The following MBD5 variants were observed in gnomAD, a reference collection of about 807,000 sequenced individuals.
The protein encoded by MBD5 is methyl-CpG binding domain protein 5, also known as methyl-CpG-binding domain protein 5.
In MBD5, 13 loss-of-function variants were observed where a neutral mutation model predicts 117.3. That is an observed-to-expected ratio of 0.11 (90% CI 0.07 to 0.18). MBD5 has a LOEUF of 0.18. Ranked by LOEUF, MBD5 falls within the 10% of genes least tolerant of loss-of-function variation. The pLI is 1.00. For missense variants in MBD5, 1,879 were observed against 2,093.8 expected (o/e 0.90, Z 2.00); for synonymous variants, 727 against 766.4 (o/e 0.95, Z 0.85).
chr2:148,204,395 A>T (rs575868291), intron 2 of MBD5, among the ~76,000 whole-genome samples: 75 of 152,336 alleles, frequency 4.9e-4, no homozygotes, highest in African/African-American at 1.8e-3. Context: ...AAGACACAAA[A>T]GAAAACCAAA....
At chr2:148,508,179 T>G (rs1173102181) in intron 12 of MBD5, among the ~76,000 whole-genome samples, 1 of 152,162 alleles carries the variant, frequency 6.6e-6, no homozygotes, top group Non-Finnish European at 1.5e-5. Context: ...GGAGCTTGCT[T>G]GGCAGACACC....
At chr2:148,180,833 C>G (rs796349848) in intron 2 of MBD5, among the ~76,000 whole-genome samples, 24 of 152,138 alleles carry the variant, frequency 1.6e-4, no homozygotes, top group African/African-American at 5.8e-4. Context: ...TCTCATTCTC[C>G]TGCCCTTGAC....
chr2:148,311,759 T>C (rs1288512779), intron 3 of MBD5, among the ~76,000 whole-genome samples: 1 of 152,214 alleles, frequency 6.6e-6, no homozygotes, highest in Non-Finnish European at 1.5e-5. Flanking sequence ...GACTTTACAA[T>C]TTGTTATGTT....
chr2:148,446,640 A>G (rs1270242851), intron 4 of MBD5, among the ~76,000 whole-genome samples: 1 of 64,008 alleles, frequency 1.6e-5, no homozygotes. Context: ...GTAAAACTGA[A>G]ATACTTGAGC....
intron 3 of MBD5, among the ~76,000 whole-genome samples, chr2:148,263,111 A>T (rs1041114089): frequency 2.0e-5 from 3 of 152,194 alleles, no homozygotes; most frequent in African/African-American, 7.2e-5. Flanking sequence ...AGGGGAAAAG[A>T]TGATGAGTTT....
intron 4 of MBD5, among the ~76,000 whole-genome samples, chr2:148,356,311 A>C (rs1165790572): frequency 6.6e-6 from 1 of 152,116 alleles, no homozygotes; most frequent in African/African-American, 2.4e-5. Flanking sequence ...CTTATTTTAA[A>C]TAGCAACTTC....
intron 4 of MBD5, among the ~76,000 whole-genome samples, chr2:148,374,277 G>A (rs1409674826): frequency 4.6e-5 from 6 of 130,602 alleles, no homozygotes; most frequent in Non-Finnish European, 9.8e-5. Flanking sequence ...ACACACACAC[G>A]AACATGCATA....
chr2:148,374,195 C>G (rs1703930985), intron 4 of MBD5, among the ~76,000 whole-genome samples: 1 of 151,654 alleles, frequency 6.6e-6, no homozygotes, highest in South Asian at 2.1e-4. Flanking sequence ...TTGTACTTTG[C>G]ACACAAAGCC....
chr2:148,260,006 C>T (rs777946106), intron 3 of MBD5, among the ~76,000 whole-genome samples: 8 of 152,214 alleles, frequency 5.3e-5, no homozygotes, highest in Non-Finnish European at 8.8e-5. Context: ...GCCTCAATGT[C>T]GACATCTGCT....
chr2:148,082,479 C>A (rs989197266), intron 1 of MBD5, among the ~76,000 whole-genome samples: 3 of 152,290 alleles, frequency 2.0e-5, no homozygotes, highest in African/African-American at 7.2e-5. Context: ...CTATTATTCA[C>A]CTTTTTGTCC....
chr2:148,225,565 C>A (rs1449871784), intron 2 of MBD5, among the ~76,000 whole-genome samples: 1 of 152,066 alleles, frequency 6.6e-6, no homozygotes, highest in African/African-American at 2.4e-5. Flanking sequence ...TTTGTACTTT[C>A]AGATGATTTG....
At chr2:148,315,163 T>G (rs1702131987) in intron 3 of MBD5, among the ~76,000 whole-genome samples, 1 of 152,174 alleles carries the variant, frequency 6.6e-6, no homozygotes, top group South Asian at 2.1e-4. Context: ...ATTGTTCATC[T>G]CCATATTCTA....
At chr2:148,287,512 G>A (rs1478305892) in intron 3 of MBD5, among the ~76,000 whole-genome samples, 1 of 152,134 alleles carries the variant, frequency 6.6e-6, no homozygotes, top group Non-Finnish European at 1.5e-5. Flanking sequence ...CAGGTAATGG[G>A]ACCTCTCCTG....
chr2:148,303,943 G>T, intron 3 of MBD5, among the ~76,000 whole-genome samples: 1 of 152,140 alleles, frequency 6.6e-6, no homozygotes, highest in East Asian at 1.9e-4. Context: ...AACCTTTAAA[G>T]TAATGAGGGG....
At chr2:148,486,261 T>A (rs528475823) in intron 10 of MBD5, among the ~76,000 whole-genome samples, 1 of 152,270 alleles carries the variant, frequency 6.6e-6, no homozygotes, top group African/African-American at 2.4e-5. Context: ...CATGCCCACC[T>A]GTCCACCCTC....
intron 1 of MBD5, among the ~76,000 whole-genome samples, chr2:148,141,973 C>A (rs1027582523): frequency 1.3e-5 from 2 of 151,170 alleles, no homozygotes; most frequent in African/African-American, 4.9e-5. Context: ...AAGGCACTGT[C>A]TCAATAATAA....
chr2:148,491,967 T>C (rs569776642), intron 11 of MBD5, among the ~76,000 whole-genome samples: 1 of 150,704 alleles, frequency 6.6e-6, no homozygotes, highest in Admixed American at 6.6e-5. Flanking sequence ...AAAGCTTAAC[T>C]AAAAAAAAAG....
At chr2:148,316,928 G>T (rs918618223) in intron 3 of MBD5, among the ~76,000 whole-genome samples, 1 of 152,120 alleles carries the variant, frequency 6.6e-6, no homozygotes, top group African/African-American at 2.4e-5. Flanking sequence ...TTGTTTTGAG[G>T]TTTTAAAAGC....
At chr2:148,079,838 C>T (rs930960048) in intron 1 of MBD5, among the ~76,000 whole-genome samples, 1 of 150,018 alleles carries the variant, frequency 6.7e-6, no homozygotes, top group Admixed American at 6.7e-5. Flanking sequence ...GCCTAGGCGA[C>T]AGAGGGAGAC....
Sources: allele counts gnomAD v4.1 joint callset (sites outside exome capture counted in the v4.1 genomes callset), GRCh38; gene constraint gnomAD v4.1.1; transcripts MANE v1.5; gene names NCBI Gene and HGNC (gene_info 2026-07-23, HGNC 2026-07-21).